COL16A1: variants seen among roughly 807,000 people sequenced by gnomAD.
COL16A1 encodes the protein collagen alpha-1(XVI) chain.
In COL16A1, 189 loss-of-function variants were observed where a neutral mutation model predicts 266.3. That is an observed-to-expected ratio of 0.71 (90% CI 0.63 to 0.80). The LOEUF is 0.80. COL16A1 is among the 30% of genes least tolerant of loss of function. COL16A1 has a pLI of 0.00. For missense variants in COL16A1, 1,928 were observed against 2,122.4 expected (o/e 0.91, Z 1.80); for synonymous variants, 740 against 782.3 (o/e 0.95, Z 0.90).
In COL16A1 at chr1:31,684,627, C is replaced by T; in HGVS notation, c.2056G>A (p.Asp686Asn). 2 of 1,613,870 alleles carry T rather than the reference C, an allele frequency of 1.2e-6. No homozygotes were observed. The highest frequency in any genetic ancestry group is 1.3e-5 in the African/African-American group (1 of 75,050). ...CCAGGGTCTCCAGGATTCCCAGCAT[C>T]ACCCTGTAAGGAGTGGGGTTCAAGG... ...GERGLKGQKG[D>N]AGNPGDPGTP... is the part of the protein sequence containing the mutation. The change falls in exon 31 of 71, where the codon GAT (aspartate) becomes AAT (asparagine). Residue 686 changes from aspartate (D) to asparagine (N), a missense_variant. This residue lies in a region of COL16A1 where 1,552 missense variants were observed against 1,637.2 expected (regional missense o/e 0.95). Coordinates refer to ENST00000373672, the MANE Select transcript of COL16A1 (RefSeq NM_001856.4).
chr1:31,652,762 G>T lies in COL16A1; in HGVS notation c.4704C>A (p.Pro1568=), dbSNP rs1259374225. 3 of 1,600,842 alleles carry T rather than the reference G, an allele frequency of 1.9e-6. No individual in the cohort carries two copies. In the Admixed American group the frequency reaches 5.4e-5, roughly 29 times the overall value. ...GGCCAGCCTTGCCTGGCTGGCCCAT[G>T]GGACCCGGGGGCCCAGGGATGCCAG... ...GIPGIPGPPG[P]MGQPGKAGHC... The change falls in exon 71 of 71, where the codon CCC becomes CCA. Residue 1568 remains proline, a synonymous_variant. Coordinates refer to ENST00000373672, the MANE Select transcript of COL16A1 (RefSeq NM_001856.4). The surrounding 1 kb of genome is among the most constrained non-coding windows in gnomAD (Gnocchi z 4.8).
At chr1:31,683,441 G>A (rs780030416) in intron 34 of COL16A1, 72 bp from the exon 35 acceptor site, 84 of 1,610,766 alleles carry the variant, frequency 5.2e-5, no homozygotes, top group Non-Finnish European at 7.0e-5. Context: ...TGCCGCACCG[G>A]CAGACCTGGT....
intron 9 of COL16A1, 105 bp downstream of exon 9, chr1:31,695,983 A>G (rs1644481239): frequency 8.9e-7 from 1 of 1,125,258 alleles, no homozygotes; most frequent in African/African-American, 1.5e-5. Flanking sequence ...GGAGGTGGGA[A>G]AGGCGGGAGG....
intron 34 of COL16A1, 70 bp from the exon 35 acceptor site, chr1:31,683,439 C>A: frequency 6.2e-7 from 1 of 1,611,186 alleles, no homozygotes; most frequent in Non-Finnish European, 8.5e-7. Flanking sequence ...CCTGCCGCAC[C>A]GGCAGACCTG....
intron 2 of COL16A1, among the ~76,000 whole-genome samples, chr1:31,700,485 G>A (rs770792602): frequency 7.2e-5 from 11 of 152,258 alleles, no homozygotes; most frequent in Non-Finnish European, 1.6e-4. Flanking sequence ...GATGGAGTGG[G>A]GAGCTGTGTA....
intron 36 of COL16A1, 21 bp downstream of exon 36, chr1:31,683,173 C>T (rs771927286): frequency 1.2e-6 from 2 of 1,614,094 alleles, no homozygotes; most frequent in African/African-American, 1.3e-5. Context: ...AGGCCCAATA[C>T]CCATGGAGGC....
rs1644750430 is a variant in COL16A1, at chr1:31,702,256, A to G, written c.-34-29T>C. The G allele has an allele frequency of 2.5e-6, 4 of 1,609,832 alleles. No homozygotes were observed. The Admixed American group carries it at 6.7e-5, about 27-fold the overall frequency. ...AAAACCACAGAGACCGGGAAGGCGGATTTCTGAGTTCACACAGCACAACTC... is the reference window on the plus strand; with the variant it reads ...AAAACCACAGAGACCGGGAAGGCGGGTTTCTGAGTTCACACAGCACAACTC... On this transcript the variant is annotated intron_variant, in intron 1 of 70. Coordinates refer to ENST00000373672, the MANE Select transcript of COL16A1 (RefSeq NM_001856.4).
Position 31,663,059 on chromosome 1 carries a change from C to G in COL16A1, c.3556-401G>C, listed in dbSNP as rs796710586. The G allele has an allele frequency of 2.2e-5, 6 of 267,658 alleles. No individual in the cohort carries two copies. The highest frequency in any genetic ancestry group is 6.6e-5 in the African/African-American group (3 of 45,416). 16.6% of individuals were successfully genotyped at this position (267,658 alleles called of 1,614,324 possible). A position where few individuals can be genotyped will look rare whatever the true frequency, so the allele number is the denominator to read the frequency against. ...CCACCTACCTCCCTACCTTTCCCCC[C>G]ATCCCAGCAGACATGGGCCCGGGCT... On this transcript the variant is annotated intron_variant, in intron 56 of 70. Coordinates refer to ENST00000373672, the MANE Select transcript of COL16A1 (RefSeq NM_001856.4). The surrounding 1 kb of genome is among the most constrained non-coding windows in gnomAD (Gnocchi z 4.9).
chr1:31,660,778 C>G, intron 61 of COL16A1, 140 bp from the exon 62 acceptor site: 1 of 1,288,712 alleles, frequency 7.8e-7, no homozygotes, highest in African/African-American at 1.5e-5. Flanking sequence ...AGCCTCCAGA[C>G]CCAAGTTTCC....
chr1:31,672,335 G>T, intron 47 of COL16A1, 81 bp downstream of exon 47: 6 of 1,510,534 alleles, frequency 4.0e-6, no homozygotes, highest in Non-Finnish European at 5.5e-6. Context: ...AGTCAGGTGA[G>T]GCCTCGGAGG....
At chr1:31,690,479 C>T (rs764563221) in intron 21 of COL16A1, 50 bp downstream of exon 21, 1 of 1,614,060 alleles carries the variant, frequency 6.2e-7, no homozygotes, top group African/African-American at 1.3e-5. Context: ...CCCCTCCCTC[C>T]AGAGGCCTTG....
chr1:31,675,501 C>A (rs1643107772), intron 42 of COL16A1, among the ~76,000 whole-genome samples, 190 bp from the exon 43 acceptor site: 2 of 152,070 alleles, frequency 1.3e-5, no homozygotes, highest in African/African-American at 4.8e-5. Flanking sequence ...CCAGGGAGGC[C>A]CAGAAGAGCG....
chr1:31,669,588 G>A (rs1480683823), intron 49 of COL16A1, among the ~76,000 whole-genome samples: 1 of 151,812 alleles, frequency 6.6e-6, no homozygotes, highest in East Asian at 1.9e-4. Flanking sequence ...CGGACAGATG[G>A]CCCCTTCACC....
intron 29 of COL16A1, 87 bp from the exon 30 acceptor site, chr1:31,684,943 G>C: frequency 6.2e-7 from 1 of 1,601,452 alleles, no homozygotes; most frequent in Non-Finnish European, 8.5e-7. Context: ...GCATACAACA[G>C]TAAACAAACA....
rs1557705076 is a variant in COL16A1, at chr1:31,702,107, CTG to C, written c.73+12_73+13del. Reference sequence around the variant, plus strand: ...GCAGGCCTGTGATACTGTGACTCTCCTGTGTCATCTCACCTGTATTTGCCCCA... The same window carrying C: ...GCAGGCCTGTGATACTGTGACTCTCCTGTCATCTCACCTGTATTTGCCCCA... On this transcript the variant is annotated intron_variant, in intron 2 of 70. Transcript: ENST00000373672. 2 of 1,614,068 alleles carry C rather than the reference CTG, an allele frequency of 1.2e-6. No individual in the cohort carries two copies. The highest frequency in any genetic ancestry group is 1.7e-6 in the Non-Finnish European group (2 of 1,179,976).
intron 66 of COL16A1, 51 bp from the exon 67 acceptor site, chr1:31,655,553 C>G: frequency 6.2e-7 from 1 of 1,602,606 alleles, no homozygotes; most frequent in South Asian, 1.1e-5. Flanking sequence ...GATGTCTCAC[C>G]AATCTGCTCT....
At chr1:31,654,088 A>G (rs1462073124) in intron 68 of COL16A1, 45 bp from the exon 69 acceptor site, 2 of 1,575,638 alleles carry the variant, frequency 1.3e-6, no homozygotes, top group Non-Finnish European at 1.7e-6. Flanking sequence ...AGGGTCCCCC[A>G]GGGACTCAGA....
At position 31,662,398 on chromosome 1, in the gene COL16A1, G is replaced by A. The variant is rs1245378746; in HGVS notation, c.3628-11C>T. 4 of 1,610,900 alleles carry A rather than the reference G, an allele frequency of 2.5e-6. No homozygotes were observed. The highest frequency in any genetic ancestry group is 3.4e-6 in the Non-Finnish European group (4 of 1,178,502). On this transcript the variant is annotated splice_polypyrimidine_tract_variant and intron_variant, in intron 57 of 70. Transcript: ENST00000373672. ...CAGACCGGCGGGGCCCTGGAAACAG[G>A]AAAGAGGCATTTCTACATGCTGGTG...
chr1:31,686,267 C>A lies in COL16A1; in HGVS notation c.1816G>T (p.Glu606Ter), dbSNP rs1454403459. The change falls in exon 27 of 71, where the codon GAG becomes TAG. Residue 606 changes from glutamate (E) to a stop codon, truncating the protein, a stop_gained. Coordinates refer to ENST00000373672, the MANE Select transcript of COL16A1 (RefSeq NM_001856.4). LOFTEE classifies it high-confidence loss of function. ...GLKGEKGNFG[E>*]AGPAGSPGPP... ...ACTGGACTGCCAGCTGGCCCTGCCT[C>A]CCCGAAGTTACCCTGAGAGAAAGCA... 1 of 1,614,212 alleles carries A rather than the reference C, an allele frequency of 6.2e-7. No homozygotes were observed. The highest frequency in any genetic ancestry group is 8.5e-7 in the Non-Finnish European group (1 of 1,180,034).
Sources: allele counts gnomAD v4.1 joint callset (sites outside exome capture counted in the v4.1 genomes callset), GRCh38; gene constraint gnomAD v4.1.1; regional missense constraint gnomAD v4.1.1; non-coding constraint Gnocchi (gnomAD v3.1); transcripts MANE v1.5; gene names NCBI Gene and HGNC (gene_info 2026-07-23, HGNC 2026-07-21).